LOC128462377: variants seen among roughly 807,000 people sequenced by gnomAD.
chr16:89,359,409 G>A, the LOC128462377 span, among the ~76,000 whole-genome samples: 1 of 152,222 alleles, frequency 6.6e-6, no homozygotes, highest in Non-Finnish European at 1.5e-5. Flanking sequence ...CCCCAGCAGA[G>A]GAGCAGGAAG....
the LOC128462377 span, among the ~76,000 whole-genome samples, chr16:89,347,120 T>C: frequency 6.6e-6 from 1 of 152,066 alleles, no homozygotes; most frequent in Non-Finnish European, 1.5e-5. Context: ...GAGGTGTCTC[T>C]CGTTGGTCCG....
At chr16:89,386,582 C>T in the LOC128462377 span, among the ~76,000 whole-genome samples, 3 of 152,170 alleles carry the variant, frequency 2.0e-5, no homozygotes, top group South Asian at 2.1e-4. Flanking sequence ...AAGATGCCCG[C>T]GGGGAGGAGT....
chr16:89,369,380 A>G, the LOC128462377 span, among the ~76,000 whole-genome samples: 5 of 152,322 alleles, frequency 3.3e-5, no homozygotes, highest in East Asian at 7.7e-4. Context: ...CATGACCCGC[A>G]TGACCCTGCC....
At chr16:89,388,142 A>G in the LOC128462377 span, among the ~76,000 whole-genome samples, 1 of 152,156 alleles carries the variant, frequency 6.6e-6, no homozygotes, top group East Asian at 1.9e-4. Context: ...CTAACATCAT[A>G]CATAAACATA....
the LOC128462377 span, among the ~76,000 whole-genome samples, chr16:89,402,256 C>T: frequency 1.3e-5 from 2 of 152,160 alleles, no homozygotes; most frequent in African/African-American, 4.8e-5. Context: ...GGTGCCTACA[C>T]GTGACGTACG....
At chr16:89,379,617 G>C in the LOC128462377 span, among the ~76,000 whole-genome samples, 1 of 152,206 alleles carries the variant, frequency 6.6e-6, no homozygotes, top group Non-Finnish European at 1.5e-5. Flanking sequence ...TCCAACTTGA[G>C]CTTACAGTTT....
the LOC128462377 span, among the ~76,000 whole-genome samples, chr16:89,369,817 G>C: frequency 6.6e-6 from 1 of 152,224 alleles, no homozygotes; most frequent in Non-Finnish European, 1.5e-5. Flanking sequence ...ATACTGTTCA[G>C]TGTGCAAAAT....
At chr16:89,338,755 G>A in the LOC128462377 span, among the ~76,000 whole-genome samples, 4 of 143,046 alleles carry the variant, frequency 2.8e-5, no homozygotes, top group Admixed American at 7.0e-5. Context: ...AAAAAAGAGC[G>A]AGCTTTTGTA....
At chr16:89,403,457 C>T in the LOC128462377 span, among the ~76,000 whole-genome samples, 2 of 152,048 alleles carry the variant, frequency 1.3e-5, no homozygotes, top group African/African-American at 4.8e-5. Flanking sequence ...TCTCAGTAAG[C>T]GAGGCCCCGC....
At chr16:89,327,586 CAAGA>C in the LOC128462377 span, among the ~76,000 whole-genome samples, 1 of 152,126 alleles carries the variant, frequency 6.6e-6, no homozygotes, top group Non-Finnish European at 1.5e-5. Context: ...CCTATGAAAA[CAAGA>C]AATAAAGACA....
chr16:89,391,170 G>T, the LOC128462377 span, among the ~76,000 whole-genome samples: 1 of 150,126 alleles, frequency 6.7e-6, no homozygotes, highest in African/African-American at 2.5e-5. Context: ...GGAGCTTGCA[G>T]TGAGCCGAGA....
chr16:89,332,955 C>T, the LOC128462377 span, among the ~76,000 whole-genome samples: 1 of 152,236 alleles, frequency 6.6e-6, no homozygotes, highest in African/African-American at 2.4e-5. Context: ...TGCAACAGAA[C>T]AGCGGGGCTG....
the LOC128462377 span, among the ~76,000 whole-genome samples, chr16:89,386,605 AC>A: frequency 6.6e-6 from 1 of 152,088 alleles, no homozygotes; most frequent in Non-Finnish European, 1.5e-5. Flanking sequence ...ATCCAAAAGC[AC>A]CCTACAGGAC....
the LOC128462377 span, among the ~76,000 whole-genome samples, chr16:89,330,653 T>G: frequency 1.2e-4 from 1 of 8,658 alleles, no homozygotes; most frequent in Admixed American, 1.6e-3. Context: ...CCCAGTACAG[T>G]GACTGGGGGG....
the LOC128462377 span, among the ~76,000 whole-genome samples, chr16:89,338,128 G>C: frequency 1.3e-5 from 2 of 152,154 alleles, no homozygotes; most frequent in Non-Finnish European, 2.9e-5. Flanking sequence ...CGCCCGTCAG[G>C]CTCCCAGGAC....
chr16:89,355,875 A>C, the LOC128462377 span, among the ~76,000 whole-genome samples: 1 of 152,248 alleles, frequency 6.6e-6, no homozygotes, highest in South Asian at 2.1e-4. Flanking sequence ...GATGAGATAA[A>C]CACCACAGGA....
At chr16:89,348,632 A>G in the LOC128462377 span, among the ~76,000 whole-genome samples, 1 of 152,238 alleles carries the variant, frequency 6.6e-6, no homozygotes, top group Non-Finnish European at 1.5e-5. Context: ...TAATAGATAC[A>G]GGACTATTTA....
chr16:89,387,831 C>T, the LOC128462377 span, among the ~76,000 whole-genome samples: 6 of 151,148 alleles, frequency 4.0e-5, no homozygotes, highest in African/African-American at 9.7e-5. Flanking sequence ...GGTGAAACCC[C>T]GTCTCTACTA....
chr16:89,392,770 T>C, the LOC128462377 span: 1 of 148,904 alleles, frequency 6.7e-6, no homozygotes, highest in African/African-American at 2.5e-5. Flanking sequence ...TTAAGCAAAC[T>C]CGTGGATAGG....
Sources: gnomAD v4.1 joint callset for allele counts (sites outside exome capture counted in the v4.1 genomes callset) on GRCh38, gnomAD v4.1.1 for gene constraint, MANE v1.5 for transcripts.